The following FAM168A variants were observed in gnomAD, a reference collection of about 807,000 sequenced individuals.
FAM168A encodes the protein protein FAM168A.
A neutral mutation model predicts 28.5 loss-of-function variants in FAM168A; 3 were observed. The ratio of observed to expected loss-of-function variants is 0.11; its 90% confidence interval spans 0.05 to 0.27. FAM168A has a LOEUF of 0.27. Among genes scored for constraint, FAM168A ranks in the 10% least tolerant of loss-of-function variants. The pLI, the probability that FAM168A is intolerant of heterozygous loss-of-function variation, is 1.00. For synonymous variants in FAM168A, 122 were observed against 124.2 expected (o/e 0.98, Z 0.12); for missense variants, 222 against 311.5 (o/e 0.71, Z 2.16).
intron 2 of FAM168A, among the ~76,000 whole-genome samples, chr11:73,465,917 C>T (rs1867727552): frequency 6.6e-6 from 1 of 151,792 alleles, no homozygotes; most frequent in South Asian, 2.1e-4. Context: ...AAATACTGAG[C>T]TCAGGTTTTG....
intron 1 of FAM168A, among the ~76,000 whole-genome samples, chr11:73,527,994 A>C (rs2134660401): frequency 6.6e-6 from 1 of 152,330 alleles, no homozygotes; most frequent in East Asian, 1.9e-4. Context: ...GATGACATTG[A>C]TCCAAGGACT....
chr11:73,526,915 G>C (rs978172590), intron 1 of FAM168A, among the ~76,000 whole-genome samples: 2 of 134,716 alleles, frequency 1.5e-5, no homozygotes, highest in Non-Finnish European at 3.2e-5. Flanking sequence ...GAAACAAACT[G>C]AAACAGTTGG....
intron 1 of FAM168A, among the ~76,000 whole-genome samples, chr11:73,545,166 T>C (rs1253604418): frequency 1.4e-5 from 2 of 147,690 alleles, no homozygotes; most frequent in African/African-American, 2.5e-5. Context: ...GCTAAGACTA[T>C]AGACATGCAC....
intron 1 of FAM168A, among the ~76,000 whole-genome samples, chr11:73,499,042 C>T (rs113231971): frequency 1.1e-4 from 17 of 152,296 alleles, no homozygotes; most frequent in African/African-American, 2.9e-4. Flanking sequence ...TGCTGCTCCC[C>T]GTGCCACCCA....
intron 1 of FAM168A, among the ~76,000 whole-genome samples, chr11:73,484,335 TTA>T (rs1868009247): frequency 6.6e-6 from 1 of 151,986 alleles, no homozygotes; most frequent in African/African-American, 2.4e-5. Context: ...CTTACAAATT[TTA>T]TATCACATAG....
chr11:73,579,509 T>G (rs1944218790), intron 1 of FAM168A, among the ~76,000 whole-genome samples: 1 of 152,172 alleles, frequency 6.6e-6, no homozygotes, highest in Admixed American at 6.5e-5. Context: ...CTTACAAAAT[T>G]ATTGAGGAAT....
intron 2 of FAM168A, among the ~76,000 whole-genome samples, chr11:73,457,528 A>G (rs930288447): frequency 6.6e-5 from 10 of 151,920 alleles, no homozygotes; most frequent in African/African-American, 2.4e-4. Context: ...AATAGTGGGG[A>G]TATTTAAACA....
In FAM168A at chr11:73,494,441, A is replaced by G. The variant is rs537227380; in HGVS notation, c.-18-25949T>C. 2.6e-5 allele frequency among the ~76,000 whole-genome samples: 4 copies of G among 152,280 alleles called. No individual in the cohort carries two copies. In the East Asian group the frequency reaches 7.7e-4, roughly 29 times the overall value. ...GGGAGGTCTAAGGCTCTGAATCAGG[A>G]ACTGTTACATTCCAAGCGGTTGACA... is the stretch of plus-strand genomic sequence containing the variant. On this transcript the variant is annotated intron_variant, in intron 1 of 7. Coordinates refer to ENST00000356467, the MANE Select transcript of FAM168A (RefSeq NM_015159.3).
intron 1 of FAM168A, among the ~76,000 whole-genome samples, chr11:73,546,053 A>C (rs1159562477): frequency 3.9e-5 from 6 of 152,130 alleles, no homozygotes; most frequent in Non-Finnish European, 8.8e-5. Flanking sequence ...CCCACTTCTT[A>C]CTACTGAGCA....
At chr11:73,411,576 A>G in intron 4 of FAM168A, 40 bp from the exon 5 acceptor site, 1 of 1,612,312 alleles carries the variant, frequency 6.2e-7, no homozygotes, top group Non-Finnish European at 8.5e-7. Context: ...GTTAGTTGGC[A>G]GAAAAGCATT....
At chr11:73,510,399 A>G (rs771843150) in intron 1 of FAM168A, among the ~76,000 whole-genome samples, 1 of 152,140 alleles carries the variant, frequency 6.6e-6, no homozygotes, top group Non-Finnish European at 1.5e-5. Context: ...AGGGAGAAAA[A>G]CTGGCCTGGA....
rs187522751 is a variant in FAM168A, at chr11:73,591,119, G to A, written c.-19+6804C>T. Among the ~76,000 whole-genome samples, 74 of 152,132 alleles carry A rather than the reference G, an allele frequency of 4.9e-4. No individual in the cohort carries two copies. In the East Asian group the frequency reaches 6.9e-3, roughly 14 times the overall value. ...AGATCGTGCCACTGTACTCCAGGCCGGGAGACAAAGCGAGACTCTGTCTCA... is the reference window on the plus strand; with the variant it reads ...AGATCGTGCCACTGTACTCCAGGCCAGGAGACAAAGCGAGACTCTGTCTCA... On this transcript the variant is annotated intron_variant, in intron 1 of 7. Transcript: ENST00000356467.
At chr11:73,585,871 C>CAAAAAAAAAAA (rs11358691) in intron 1 of FAM168A, among the ~76,000 whole-genome samples, 5 of 81,658 alleles carry the variant, frequency 6.1e-5, no homozygotes, top group Non-Finnish European at 5.2e-5. Context: ...CCATCTCAAA[C>CAAAAAAAAAAA]AAAAAAAAAA....
At chr11:73,488,237 TCTC>T (rs1298577951) in intron 1 of FAM168A, among the ~76,000 whole-genome samples, 1 of 151,982 alleles carries the variant, frequency 6.6e-6, no homozygotes, top group Non-Finnish European at 1.5e-5. Flanking sequence ...TTCAAGCAAT[TCTC>T]CTGTCTCAGC....
In FAM168A at chr11:73,402,162, G is replaced by A. The variant is rs1166893355; in HGVS notation, c.*4601C>T. 1 of 152,248 alleles carries A rather than the reference G, an allele frequency of 6.6e-6. No individual in the cohort carries two copies. The highest frequency in any genetic ancestry group is 1.5e-5 in the Non-Finnish European group (1 of 68,064). The allele number at this position is 152,248 out of a possible 1,614,324, so 9.4% of individuals were successfully genotyped here. A position where few individuals can be genotyped will look rare whatever the true frequency, so the allele number is the denominator to read the frequency against. On this transcript the variant is annotated 3_prime_UTR_variant, in exon 8 of 8. Coordinates refer to ENST00000356467, the MANE Select transcript of FAM168A (RefSeq NM_015159.3). ...GGCCGCACAGCCAGTAGTGATGTGGGAGAATACAGGATGGAAAAGCAGACT... is the reference window on the plus strand; with the variant it reads ...GGCCGCACAGCCAGTAGTGATGTGGAAGAATACAGGATGGAAAAGCAGACT...
At chr11:73,464,419 G>C (rs1867700925) in intron 2 of FAM168A, among the ~76,000 whole-genome samples, 1 of 151,776 alleles carries the variant, frequency 6.6e-6, no homozygotes, top group South Asian at 2.1e-4. Flanking sequence ...CTTGAGAGTT[G>C]TATCTTTTGT....
chr11:73,597,463 A>G (rs190721957), intron 1 of FAM168A, among the ~76,000 whole-genome samples: 2 of 151,644 alleles, frequency 1.3e-5, no homozygotes, highest in Admixed American at 6.6e-5. Context: ...AACCCTGTAC[A>G]TGCCACTCAC....
rs897585051 is a variant in FAM168A, at chr11:73,403,764, C to G, written c.*2999G>C. 11 of 152,224 alleles carry G rather than the reference C, an allele frequency of 7.2e-5. No homozygotes were observed. The highest frequency in any genetic ancestry group is 1.7e-4 in the African/African-American group (7 of 41,456). The allele number at this position is 152,224 out of a possible 1,614,324, so 9.4% of individuals were successfully genotyped here. On this transcript the variant is annotated 3_prime_UTR_variant, in exon 8 of 8. Transcript: ENST00000356467. ...TGGCTAGGCTTGTGGATCTCCATCA[C>G]AGCAAGAGGCTGAGGCCGGCTGAAC...
At chr11:73,462,464 T>C (rs1867663943) in intron 2 of FAM168A, among the ~76,000 whole-genome samples, 1 of 152,192 alleles carries the variant, frequency 6.6e-6, no homozygotes. Flanking sequence ...TGAAGAGTTA[T>C]TGTTTAATGG....
Sources: gnomAD v4.1 joint callset for allele counts (sites outside exome capture counted in the v4.1 genomes callset) on GRCh38, gnomAD v4.1.1 for gene constraint, MANE v1.5 for transcripts, NCBI Gene and HGNC (gene_info 2026-07-23, HGNC 2026-07-21) for gene names.